NRXN1: variants seen among roughly 807,000 people sequenced by gnomAD.
The protein encoded by NRXN1 is neurexin-1.
In NRXN1, 39 loss-of-function variants were observed where a neutral mutation model predicts 150.9. That is an observed-to-expected ratio of 0.26 (90% CI 0.20 to 0.34). The LOEUF (loss-of-function observed/expected upper bound fraction) is 0.34. Among genes scored for constraint, NRXN1 ranks in the 10% least tolerant of loss-of-function variants. The pLI is 1.00. For synonymous variants in NRXN1, 924 were observed against 757.0 expected (o/e 1.22, Z -3.62); for missense variants, 1,815 against 1,949.9 (o/e 0.93, Z 1.30).
In NRXN1 at chr2:50,053,472, A is replaced by G. The variant is rs1228692111; in HGVS notation, c.3927T>C (p.Asn1309=). 2 of 1,614,044 alleles carry G rather than the reference A, an allele frequency of 1.2e-6. No homozygotes were observed. The highest frequency in any genetic ancestry group is 1.7e-6 in the Non-Finnish European group (2 of 1,179,936). The change falls in exon 21 of 23, where the codon AAT becomes AAC. Residue 1309 remains asparagine (N), a synonymous_variant. Coordinates refer to ENST00000401669, the MANE Select transcript of NRXN1 (RefSeq NM_001330078.2). ...GLYYNGLKVL[N]MAAENDANIA... ...TGTTGGCATCGTTTTCGGCTGCCAT[A>G]TTCAGAACTTTCAAGCCATTGTAGT... is the stretch of plus-strand genomic sequence containing the variant.
At chr2:50,298,843 T>A (rs1358483780) in intron 17 of NRXN1, among the ~76,000 whole-genome samples, 2 of 152,186 alleles carry the variant, frequency 1.3e-5, no homozygotes, top group Non-Finnish European at 2.9e-5. Context: ...ATTTTTATGA[T>A]TAATAGGTGT....
chr2:50,585,997 G>T (rs896038032), intron 8 of NRXN1, among the ~76,000 whole-genome samples: 34 of 152,150 alleles, frequency 2.2e-4, no homozygotes, highest in Non-Finnish European at 4.7e-4. Context: ...CTTTCTTCTG[G>T]AGAAAATGGG....
chr2:50,344,623 A>G (rs966079915), intron 17 of NRXN1, among the ~76,000 whole-genome samples: 6 of 152,198 alleles, frequency 3.9e-5, no homozygotes, highest in Admixed American at 1.3e-4. Flanking sequence ...ATTCACATGC[A>G]GAGACAATCA....
chr2:50,428,712 T>C (rs2084702166), intron 17 of NRXN1, among the ~76,000 whole-genome samples: 2 of 152,154 alleles, frequency 1.3e-5, no homozygotes, highest in Admixed American at 1.3e-4. Context: ...CTCTGGGCCT[T>C]TAGAAAAACA....
chr2:50,342,936 A>AACCT (rs1388420477), intron 17 of NRXN1, among the ~76,000 whole-genome samples: 1 of 152,220 alleles, frequency 6.6e-6, no homozygotes, highest in African/African-American at 2.4e-5. Context: ...CTCACTCTGA[A>AACCT]ACCTACCTAT....
chr2:50,826,351 A>G (rs1670444633), intron 5 of NRXN1, among the ~76,000 whole-genome samples: 1 of 152,170 alleles, frequency 6.6e-6, no homozygotes, highest in Admixed American at 6.5e-5. Context: ...TAAGAAAAGC[A>G]AAGACAGGTA....
intron 5 of NRXN1, among the ~76,000 whole-genome samples, chr2:50,673,378 G>A (rs1689122785): frequency 6.6e-6 from 1 of 151,990 alleles, no homozygotes; most frequent in African/African-American, 2.4e-5. Flanking sequence ...ATAATATGAA[G>A]CCAGAGTCAT....
At chr2:50,955,069 ATC>A (rs372576613) in intron 2 of NRXN1, among the ~76,000 whole-genome samples, 1 of 151,704 alleles carries the variant, frequency 6.6e-6, no homozygotes. Context: ...ATTTCTACTC[ATC>A]TCTCTCTCTC....
chr2:50,153,618 A>T (rs1477871669), intron 18 of NRXN1, among the ~76,000 whole-genome samples: 1 of 151,726 alleles, frequency 6.6e-6, no homozygotes, highest in African/African-American at 2.4e-5. Context: ...TTCCCTGAGT[A>T]TGCACACCGA....
At chr2:50,859,239 T>C (rs1675735724) in intron 5 of NRXN1, among the ~76,000 whole-genome samples, 1 of 151,976 alleles carries the variant, frequency 6.6e-6, no homozygotes, top group Non-Finnish European at 1.5e-5. Context: ...ACATTCACAC[T>C]GTGTCTTCCA....
intron 17 of NRXN1, among the ~76,000 whole-genome samples, chr2:50,411,900 G>C (rs541878423): frequency 6.6e-6 from 1 of 152,240 alleles, no homozygotes; most frequent in Non-Finnish European, 1.5e-5. Flanking sequence ...AAAAGAAAGA[G>C]AGATCAGATT....
chr2:49,955,708 CA>C (rs1674808168), intron 21 of NRXN1, among the ~76,000 whole-genome samples: 2 of 149,552 alleles, frequency 1.3e-5, no homozygotes, highest in Non-Finnish European at 3.0e-5. Flanking sequence ...TACTTAGTTG[CA>C]AAAAAGAAAA....
chr2:51,016,638 G>A (rs780383049), intron 2 of NRXN1, among the ~76,000 whole-genome samples: 23 of 152,172 alleles, frequency 1.5e-4, no homozygotes, highest in Admixed American at 2.0e-4. Flanking sequence ...AAAAAGAAAC[G>A]CTTTTACACC....
intron 2 of NRXN1, among the ~76,000 whole-genome samples, chr2:50,955,198 G>C (rs1692089623): frequency 6.6e-6 from 1 of 152,266 alleles, no homozygotes; most frequent in Middle Eastern, 3.4e-3. Context: ...ATATAAAGTG[G>C]AGGCTGCAAA....
chr2:49,977,026 G>A (rs2152502793), intron 21 of NRXN1, among the ~76,000 whole-genome samples: 1 of 152,224 alleles, frequency 6.6e-6, no homozygotes, highest in East Asian at 1.9e-4. Flanking sequence ...TAGGGCTAAA[G>A]ACAAAACAAA....
rs190175663 is a variant in NRXN1, at chr2:50,309,295, G to A, written c.3365-72325C>T. Among the ~76,000 whole-genome samples, 34 of 152,222 alleles carry A rather than the reference G, an allele frequency of 2.2e-4. 1 individual carries two copies. In the East Asian group the frequency reaches 6.6e-3, roughly 29 times the overall value. ...ACATCAATGTCTTCAAAACTATAGA[G>A]TTTTTACTAGGACACAGTTTTTCCT... On this transcript the variant is annotated intron_variant, in intron 17 of 22. Coordinates refer to ENST00000401669, the MANE Select transcript of NRXN1 (RefSeq NM_001330078.2).
intron 19 of NRXN1, among the ~76,000 whole-genome samples, chr2:50,087,680 A>G (rs1698982014): frequency 6.6e-6 from 1 of 152,158 alleles, no homozygotes; most frequent in East Asian, 1.9e-4. Flanking sequence ...ATAGAAAATA[A>G]TGGATACTAG....
chr2:50,906,968 C>T (rs1574894172), intron 5 of NRXN1, among the ~76,000 whole-genome samples: 1 of 152,052 alleles, frequency 6.6e-6, no homozygotes, highest in Admixed American at 6.6e-5. Context: ...TTTTCCTGCC[C>T]TCCTCTCTCA....
chr2:50,585,709 C>A (rs1672992246), intron 8 of NRXN1, among the ~76,000 whole-genome samples: 1 of 152,104 alleles, frequency 6.6e-6, no homozygotes, highest in Non-Finnish European at 1.5e-5. Flanking sequence ...TCTACTGATT[C>A]CAGTAAACAA....
Sources: allele counts gnomAD v4.1 joint callset (sites outside exome capture counted in the v4.1 genomes callset), GRCh38; gene constraint gnomAD v4.1.1; transcripts MANE v1.5; gene names NCBI Gene and HGNC (gene_info 2026-07-23, HGNC 2026-07-21).